Variants in TSPAN10 observed in about 807,000 individuals in gnomAD.
The protein encoded by TSPAN10 is tetraspanin-10.
Under a neutral mutation model 15.0 loss-of-function variants are expected in TSPAN10, and 11 were observed. The observed-to-expected ratio is 0.73, with a 90% confidence interval of 0.46 to 1.21. The LOEUF is 1.21. TSPAN10 is among the 50% of genes most tolerant of loss of function. The pLI is 0.00. For synonymous variants in TSPAN10, 241 were observed against 226.2 expected, an observed-to-expected ratio of 1.07 and a Z score of -0.59; for missense variants, 486 against 470.6, an observed-to-expected ratio of 1.03 and a Z score of -0.30.
exon 1 of TSPAN10, chr17:81,637,222 A>G: frequency 2.1e-6 from 1 of 476,922 alleles, no homozygotes; most frequent in Non-Finnish European, 3.8e-6. Context: ...CAACTGGAGG[A>G]GGGGATTTTG....
At chr17:81,642,410 AGGAT>A in exon 1 of TSPAN10, 1 of 1,613,452 alleles carries the variant, frequency 6.2e-7, no homozygotes, top group Non-Finnish European at 8.5e-7. Flanking sequence ...TCCAGCGTCA[AGGAT>A]GGAGGAGGGG....
At chr17:81,645,868 C>T in intron 2 of TSPAN10, 5 of 622,792 alleles carry the variant, frequency 8.0e-6, no homozygotes, top group Non-Finnish European at 1.1e-5. Flanking sequence ...TGTTCTTGTG[C>T]ACACACAAAA....
intron 2 of TSPAN10, chr17:81,645,888 ACT>A (rs1225769995): frequency 6.7e-6 from 4 of 599,178 alleles, no homozygotes; most frequent in Admixed American, 6.0e-5. Context: ...ACAGCCTCAC[ACT>A]CAGGCACACA....
At chr17:81,645,046 C>G in exon 2 of TSPAN10, 1 of 1,594,744 alleles carries the variant, frequency 6.3e-7, no homozygotes, top group Non-Finnish European at 8.6e-7. Flanking sequence ...CTCAGGCTGC[C>G]TAGGTCCAGT....
exon 3 of TSPAN10, chr17:81,647,915 G>C (rs757599945): frequency 1.9e-6 from 3 of 1,585,934 alleles, no homozygotes; most frequent in Non-Finnish European, 2.6e-6. Flanking sequence ...TTTAACTGCA[G>C]CTCCCCCGGG....
At chr17:81,642,784 G>A (rs987132747) in intron 1 of TSPAN10, among the ~76,000 whole-genome samples, 4 of 152,154 alleles carry the variant, frequency 2.6e-5, no homozygotes, top group African/African-American at 7.2e-5. Flanking sequence ...AGTGGCCCCA[G>A]TCTGGCCAAC....
At chr17:81,648,014 T>G in exon 3 of TSPAN10, 1 of 1,607,958 alleles carries the variant, frequency 6.2e-7, no homozygotes, top group South Asian at 1.1e-5. Flanking sequence ...TTCGGGGTCC[T>G]GCGCCTGGAT....
intron 1 of TSPAN10, among the ~76,000 whole-genome samples, 183 bp from the exon 3 acceptor site, chr17:81,644,809 G>A (rs1052251715): frequency 9.9e-5 from 15 of 152,216 alleles, no homozygotes; most frequent in Admixed American, 9.2e-4. Flanking sequence ...TCAGCCGAGC[G>A]GGACGGCCCT....
exon 2 of TSPAN10, chr17:81,645,209 T>C (rs754200058): frequency 1.3e-6 from 2 of 1,542,456 alleles, no homozygotes; most frequent in Non-Finnish European, 8.7e-7. Flanking sequence ...CTCTCCAACT[T>C]CCCCTTCTCC....
At chr17:81,639,563 C>T (rs555554237), upstream of TSPAN10, among the ~76,000 whole-genome samples, 1 of 151,796 alleles carries the variant, frequency 6.6e-6, no homozygotes, top group Middle Eastern at 3.2e-3. Flanking sequence ...TGTCAGTAGA[C>T]GTGGTTTCTC....
chr17:81,637,473 T>A (rs994569163), upstream of TSPAN10: 1 of 681,532 alleles, frequency 1.5e-6, no homozygotes, highest in Non-Finnish European at 2.7e-6. Flanking sequence ...AAGTATTTTT[T>A]AAATTTAACA....
At chr17:81,643,255 C>T (rs1353914647) in intron 1 of TSPAN10, among the ~76,000 whole-genome samples, 1 of 149,606 alleles carries the variant, frequency 6.7e-6, no homozygotes, top group Non-Finnish European at 1.5e-5. Context: ...GCCTCGGCCT[C>T]CCAAAGTGCT....
intron 1 of TSPAN10, among the ~76,000 whole-genome samples, chr17:81,644,602 G>C (rs2036218142): frequency 6.6e-6 from 1 of 152,238 alleles, no homozygotes; most frequent in Non-Finnish European, 1.5e-5. Flanking sequence ...AGCCCCGCCT[G>C]TGTGCTGCGG....
Position 81,637,238 on chromosome 17 carries a change from T to A in TSPAN10, c.-161T>A, listed in dbSNP as rs62074750. 0.095 allele frequency: 46,839 copies of A among 492,980 alleles called. 2,686 individuals carry two copies. Among genetic ancestry groups the A allele is most frequent in the African/African-American group, 0.16 (8,059 of 50,082 alleles). The allele number at this position is 492,980 out of a possible 1,614,324, so 30.5% of individuals were successfully genotyped here. ...AACTGGAGGAGGGGATTTTGGAAAG[T>A]TGCGTCTGAGATTACTTCTGCTCGT... On this transcript the variant is annotated 5_prime_UTR_variant, in exon 1 of 4. It adds an upstream start codon to the 5' untranslated region. Coordinates refer to the TSPAN10 transcript ENST00000574882.
At chr17:81,639,175 C>T (rs1170307501), upstream of TSPAN10, 1 of 149,232 alleles carries the variant, frequency 6.7e-6, no homozygotes, top group Non-Finnish European at 1.5e-5. Context: ...AAATCTCTCA[C>T]AGACTGGGTG....
chr17:81,647,744 G>A, intron 2 of TSPAN10, 157 bp from the exon 4 acceptor site: 1 of 736,816 alleles, frequency 1.4e-6, no homozygotes, highest in Non-Finnish European at 2.3e-6. Context: ...GTGTCCGTGT[G>A]TGCAGGTGTG....
chr17:81,641,889 CAAG>C (rs1418973552), upstream of TSPAN10, among the ~76,000 whole-genome samples: 1 of 151,466 alleles, frequency 6.6e-6, no homozygotes, highest in Non-Finnish European at 1.5e-5. Context: ...AAAACAAAAA[CAAG>C]GAGGTGATCT....
upstream of TSPAN10, chr17:81,639,200 C>CTTTTTTTTTTTTTTTTTTTTTT (rs757994889): frequency 3.5e-5 from 4 of 115,250 alleles, 1 homozygote; most frequent in Admixed American, 1.1e-4. Context: ...TTTGGAATTA[C>CTTTTTTTTTTTTTTTTTTTTTT]TTTTCTTTTT....
upstream of TSPAN10, chr17:81,638,157 T>C (rs886947426): frequency 2.0e-5 from 3 of 152,138 alleles, no homozygotes; most frequent in Non-Finnish European, 4.4e-5. Context: ...CCCTGCCCAC[T>C]GCCTAGACTT....
Sources: allele counts gnomAD v4.1 joint callset (sites outside exome capture counted in the v4.1 genomes callset), GRCh38; gene constraint gnomAD v4.1.1; transcripts MANE v1.5; gene names NCBI Gene and HGNC (gene_info 2026-07-23, HGNC 2026-07-21).